ADAMTS20: variants seen among roughly 807,000 people sequenced by gnomAD.
The protein encoded by ADAMTS20 is ADAM metallopeptidase with thrombospondin type 1 motif 20.
A neutral mutation model predicts 260.1 loss-of-function variants in ADAMTS20; 225 were observed. The observed-to-expected ratio is 0.87, with a 90% CI of 0.78 to 0.97. ADAMTS20 has a LOEUF of 0.97. ADAMTS20 is among the 50% of genes least tolerant of loss of function. The pLI, the probability that ADAMTS20 is intolerant of heterozygous loss-of-function variation, is 0.00. For missense variants in ADAMTS20, 2,400 were observed against 2,337.7 expected (o/e 1.03, Z -0.55); for synonymous variants, 802 against 769.5 (o/e 1.04, Z -0.70).
Position 43,383,715 on chromosome 12 carries a change from C to G in ADAMTS20, c.4640G>C (p.Cys1547Ser). Residue 1547 changes from cysteine (C) to serine (S), a missense_variant, in exon 31 of 39, where the codon TGT becomes TCT. Coordinates refer to ENST00000389420, the MANE Select transcript of ADAMTS20 (RefSeq NM_025003.5). Reference protein sequence around the residue: ...ERGRLNCSTSCERKDSHQRME... With the variant: ...ERGRLNCSTSSERKDSHQRME... Reference sequence around the variant, plus strand: ...TCGTTGATGTGAATCTTTTCTCTCACATGATGTTGAACACTAGAAATGCAA... The same window carrying G: ...TCGTTGATGTGAATCTTTTCTCTCAGATGATGTTGAACACTAGAAATGCAA... The G allele has an allele frequency of 5.0e-6, 8 of 1,613,764 alleles. No individual in the cohort carries two copies. The highest frequency in any genetic ancestry group is 6.8e-6 in the Non-Finnish European group (8 of 1,179,744).
intron 28 of ADAMTS20, among the ~76,000 whole-genome samples, chr12:43,405,229 C>CCAAAAAAAA (rs1410899520): frequency 0.012 from 633 of 52,782 alleles, 156 homozygotes; most frequent in East Asian, 0.048. Flanking sequence ...CTCATCTCTA[C>CCAAAAAAAA]AAAAAAAAAA....
At chr12:43,491,687 C>G (rs890103179) in intron 6 of ADAMTS20, among the ~76,000 whole-genome samples, 1 of 151,988 alleles carries the variant, frequency 6.6e-6, no homozygotes, top group Admixed American at 6.6e-5. Context: ...TGAGAACAAC[C>G]CTAGCAAAGG....
intron 31 of ADAMTS20, among the ~76,000 whole-genome samples, chr12:43,382,486 T>C (rs1321663231): frequency 6.6e-6 from 1 of 152,060 alleles, no homozygotes; most frequent in Non-Finnish European, 1.5e-5. Flanking sequence ...GGAGAAAATG[T>C]GAGAATAAGG....
chr12:43,458,363 A>G (rs1415593768), intron 11 of ADAMTS20, among the ~76,000 whole-genome samples: 3 of 152,228 alleles, frequency 2.0e-5, no homozygotes, highest in African/African-American at 7.2e-5. Flanking sequence ...AAGGGTCCCA[A>G]GATATTTTTC....
chr12:43,385,130 CT>C (rs1452907675), intron 29 of ADAMTS20, among the ~76,000 whole-genome samples: 1 of 152,166 alleles, frequency 6.6e-6, no homozygotes, highest in Non-Finnish European at 1.5e-5. Context: ...TGTTTCCTGA[CT>C]TTTTAATGAT....
At chr12:43,386,253 T>A (rs1348285799) in intron 29 of ADAMTS20, among the ~76,000 whole-genome samples, 1 of 152,192 alleles carries the variant, frequency 6.6e-6, no homozygotes, top group Non-Finnish European at 1.5e-5. Flanking sequence ...AAGCTTAGTT[T>A]GGCTGGATAT....
At chr12:43,484,221 C>T (rs893848900) in intron 7 of ADAMTS20, among the ~76,000 whole-genome samples, 4 of 152,102 alleles carry the variant, frequency 2.6e-5, no homozygotes, top group Non-Finnish European at 5.9e-5. Context: ...AAGACATAGT[C>T]TACCCAAATG....
intron 37 of ADAMTS20, among the ~76,000 whole-genome samples, chr12:43,366,356 G>T (rs1025882193): frequency 2.0e-5 from 3 of 151,758 alleles, no homozygotes; most frequent in Non-Finnish European, 4.4e-5. Flanking sequence ...ATAAAAGATT[G>T]AATTGAGAAA....
intron 7 of ADAMTS20, among the ~76,000 whole-genome samples, chr12:43,476,803 G>A (rs1246958419): frequency 1.3e-5 from 2 of 148,184 alleles, no homozygotes; most frequent in East Asian, 2.0e-4. Context: ...AATGAGATCA[G>A]CTGGACACAT....
chr12:43,515,771 C>T (rs1451852445), intron 3 of ADAMTS20, among the ~76,000 whole-genome samples: 4 of 152,076 alleles, frequency 2.6e-5, no homozygotes, highest in Non-Finnish European at 5.9e-5. Flanking sequence ...TGGCTTTTGT[C>T]AGCTGTTACT....
At chr12:43,394,517 G>A (rs1940660306) in intron 29 of ADAMTS20, among the ~76,000 whole-genome samples, 1 of 151,946 alleles carries the variant, frequency 6.6e-6, no homozygotes, top group Admixed American at 6.6e-5. Flanking sequence ...CCTTTAACCT[G>A]TAAAATCTAT....
chr12:43,496,899 C>T (rs1302754279), intron 4 of ADAMTS20, among the ~76,000 whole-genome samples: 8 of 152,096 alleles, frequency 5.3e-5, no homozygotes. Flanking sequence ...TACAGCATTT[C>T]ATGCAACTAT....
chr12:43,445,468 T>C (rs1941742807), intron 15 of ADAMTS20, among the ~76,000 whole-genome samples: 1 of 152,110 alleles, frequency 6.6e-6, no homozygotes. Flanking sequence ...AACATAAATA[T>C]TAAGTTTTAA....
At chr12:43,498,546 A>G (rs982162065) in intron 4 of ADAMTS20, among the ~76,000 whole-genome samples, 3 of 152,212 alleles carry the variant, frequency 2.0e-5, no homozygotes, top group African/African-American at 7.2e-5. Flanking sequence ...GTGACAGAAT[A>G]TCACCAATAA....
At chr12:43,533,140 A>G (rs1479689684) in intron 2 of ADAMTS20, among the ~76,000 whole-genome samples, 1 of 64,846 alleles carries the variant, frequency 1.5e-5, no homozygotes, top group Non-Finnish European at 3.2e-5. Flanking sequence ...ACTGACTTCC[A>G]CAATGGTTGA....
downstream of ADAMTS20, among the ~76,000 whole-genome samples, chr12:43,352,839 A>G (rs372730642): frequency 1.3e-5 from 2 of 152,168 alleles, no homozygotes; most frequent in East Asian, 1.9e-4. Flanking sequence ...AGATTCCTGG[A>G]AAATGTCACA....
chr12:43,510,709 G>A (rs1942910728), intron 3 of ADAMTS20, among the ~76,000 whole-genome samples: 1 of 151,934 alleles, frequency 6.6e-6, no homozygotes, highest in Non-Finnish European at 1.5e-5. Context: ...CGCACACCAT[G>A]CAACAATGAT....
rs1336130886 is a variant in ADAMTS20 at position 43,551,569 on chromosome 12, C to G, written c.91+262G>C. 2.6e-5 allele frequency among the ~76,000 whole-genome samples: 4 copies of G among 152,184 alleles called. No homozygotes were observed. Among genetic ancestry groups the G allele is most frequent in the Non-Finnish European group, 5.9e-5 (4 of 68,030 alleles). ...CCTAACCTCCCCGCAGCCCCCAACT[C>G]GTTCCCTCCGGGTGCAAGCGACCCC... is the stretch of plus-strand genomic sequence containing the variant. On this transcript the variant is annotated intron_variant, in intron 1 of 38. Coordinates refer to ENST00000389420, the MANE Select transcript of ADAMTS20 (RefSeq NM_025003.5). This position sits in a 1 kb window ranked among gnomAD's most constrained non-coding sequence, Gnocchi z 4.6.
rs906431950 is a variant in ADAMTS20 at position 43,429,185 on chromosome 12, A to C, written c.3490-386T>G. On this transcript the variant is annotated intron_variant, in intron 24 of 38. Transcript: ENST00000389420. ...AACAGATAGATATAATTCCATAATT[A>C]AAATATTCAGAGAATATATGAAGCT... Among the ~76,000 whole-genome samples, 15 of 152,272 alleles carry C rather than the reference A, an allele frequency of 9.9e-5. 1 individual carries two copies. The East Asian group carries it at 2.9e-3, about 29-fold the overall frequency.
Sources: allele counts gnomAD v4.1 joint callset (sites outside exome capture counted in the v4.1 genomes callset), GRCh38; gene constraint gnomAD v4.1.1; non-coding constraint Gnocchi (gnomAD v3.1); transcripts MANE v1.5; gene names NCBI Gene and HGNC (gene_info 2026-07-23, HGNC 2026-07-21).